ANTXR2: variants seen among roughly 807,000 people sequenced by gnomAD.
ANTXR2 encodes the protein anthrax toxin receptor 2.
ANTXR2 carries 44 observed loss-of-function variants against 73.7 expected under a neutral mutation model. The observed-to-expected ratio is 0.60, with a 90% CI of 0.47 to 0.77. ANTXR2 has a LOEUF of 0.77. ANTXR2 is among the 30% of genes least tolerant of loss of function. The probability of loss-of-function intolerance (pLI) is 0.00; values close to 1 mark genes in which losing one functional copy is unlikely to be tolerated. For missense variants in ANTXR2, 604 were observed against 592.5 expected, an observed-to-expected ratio of 1.02 and a Z score of -0.20; for synonymous variants, 217 against 205.9, an observed-to-expected ratio of 1.05 and a Z score of -0.46.
intron 16 of ANTXR2, among the ~76,000 whole-genome samples, chr4:79,956,514 T>C (rs1175735778): frequency 1.3e-5 from 2 of 152,064 alleles, no homozygotes; most frequent in Non-Finnish European, 2.9e-5. Context: ...TCACCAATCA[T>C]CTCTAGATCT....
chr4:80,017,267 T>C (rs1731917880), intron 11 of ANTXR2, among the ~76,000 whole-genome samples: 1 of 152,198 alleles, frequency 6.6e-6, no homozygotes, highest in Non-Finnish European at 1.5e-5. Context: ...CACCTCAGGC[T>C]TTGCTCTAGC....
chr4:79,949,209 A>G (rs933084262), intron 16 of ANTXR2, among the ~76,000 whole-genome samples: 2 of 152,178 alleles, frequency 1.3e-5, no homozygotes, highest in African/African-American at 4.8e-5. Flanking sequence ...GGATGAGAAC[A>G]CAGAAATAAC....
chr4:79,911,086 C>T (rs1167044607), intron 16 of ANTXR2, among the ~76,000 whole-genome samples: 1 of 152,144 alleles, frequency 6.6e-6, no homozygotes, highest in Non-Finnish European at 1.5e-5. Flanking sequence ...AGTGATAACG[C>T]TAATTATGTT....
intron 7 of ANTXR2, among the ~76,000 whole-genome samples, chr4:80,048,276 A>C (rs1014150978): frequency 3.3e-5 from 5 of 150,896 alleles, no homozygotes; most frequent in African/African-American, 9.7e-5. Flanking sequence ...GTAAAAAAAA[A>C]AAAAAACAAA....
chr4:80,007,495 T>G (rs1280580977), intron 12 of ANTXR2, among the ~76,000 whole-genome samples: 1 of 152,162 alleles, frequency 6.6e-6, no homozygotes, highest in Admixed American at 6.6e-5. Context: ...TACCTGGTAC[T>G]GTGAATATGT....
intron 15 of ANTXR2, 125 bp downstream of exon 15, chr4:79,977,882 G>A (rs1284573443): frequency 2.4e-6 from 3 of 1,257,810 alleles, no homozygotes; most frequent in South Asian, 1.5e-5. Context: ...CAGCTGTTAA[G>A]AGTGTACAAT....
intron 3 of ANTXR2, 26 bp downstream of exon 3, chr4:80,069,410 C>G (rs755853321): frequency 6.5e-7 from 1 of 1,527,142 alleles, no homozygotes; most frequent in East Asian, 2.3e-5. Flanking sequence ...TACTAAAAGC[C>G]TGCAGTGAAA....
intron 14 of ANTXR2, among the ~76,000 whole-genome samples, chr4:79,982,457 T>C (rs1029501458): frequency 6.6e-6 from 1 of 152,128 alleles, no homozygotes; most frequent in African/African-American, 2.4e-5. Flanking sequence ...TATTTGGATA[T>C]TTGATTGTAA....
chr4:80,069,375 CA>C, intron 3 of ANTXR2, 60 bp downstream of exon 3: 1 of 1,330,838 alleles, frequency 7.5e-7, no homozygotes, highest in East Asian at 2.5e-5. Flanking sequence ...TTGGAAATAT[CA>C]ATCATGCCTT....
rs1385584479 is a variant in ANTXR2, at chr4:80,072,482, G to C, written c.79C>G (p.Pro27Ala). Residue 27 changes from proline to alanine, a missense_variant, in exon 1 of 17, where the codon CCC becomes GCC. Physicochemically the swap from Pro to Ala is conservative, Grantham distance 27 (BLOSUM62 -1). Transcript: ENST00000403729. ...PGLWLLVLSG[P>A]GGLLRAQEQP... ...TCCTGGGCGCGCAGCAGCCCCCCGG[G>C]ACCGCTGAGCACCAACAGCCACAGC... is the stretch of plus-strand genomic sequence containing the variant. 1 of 1,609,826 alleles carries C rather than the reference G, an allele frequency of 6.2e-7. No individual in the cohort carries two copies. Among genetic ancestry groups the C allele is most frequent in the Non-Finnish European group, 8.5e-7 (1 of 1,178,490 alleles).
intron 11 of ANTXR2, among the ~76,000 whole-genome samples, chr4:80,015,923 A>AAAAGGAAAGGAAAGG (rs1184169438): frequency 2.2e-4 from 8 of 37,010 alleles, no homozygotes; most frequent in South Asian, 1.7e-3. Context: ...AAGGAAAGGA[A>AAAAGGAAAGGAAAGG]AAAGGAAAGG....
Position 80,072,507 on chromosome 4 carries a change from C to A in ANTXR2, c.54G>T (p.Gly18=). The A allele has an allele frequency of 1.2e-6, 2 of 1,605,474 alleles. No homozygotes were observed. Among genetic ancestry groups the A allele is most frequent in the East Asian group, 2.3e-5 (1 of 44,316 alleles). The change falls in exon 1 of 17, where the codon GGG becomes GGT. Residue 18 remains glycine (G), a synonymous_variant. Coordinates refer to ENST00000403729, the MANE Select transcript of ANTXR2 (RefSeq NM_058172.6). ...ARSPGSWLFP[G]LWLLVLSGPG... is the part of the protein sequence containing the mutation. ...GACCGCTGAGCACCAACAGCCACAG[C>A]CCGGGGAACAGCCAGCTCCCGGGGC...
Position 80,072,396 on chromosome 4 carries a change from C to T in ANTXR2, c.152+13G>A. The T allele has an allele frequency of 6.3e-7, 1 of 1,587,960 alleles. No individual in the cohort carries two copies. The highest frequency in any genetic ancestry group is 1.1e-5 in the South Asian group (1 of 88,054). ...CCTCACCAGGAGACCCTGGACCTCC[C>T]TCGCACACTCACTTGTCCAGGACGA... On this transcript the variant is annotated intron_variant, in intron 1 of 16. Coordinates refer to ENST00000403729, the MANE Select transcript of ANTXR2 (RefSeq NM_058172.6).
At chr4:79,948,837 T>A (rs1485569898) in intron 16 of ANTXR2, among the ~76,000 whole-genome samples, 1 of 152,120 alleles carries the variant, frequency 6.6e-6, no homozygotes, top group African/African-American at 2.4e-5. Context: ...TCTCTGTAGG[T>A]AACCTAGATC....
chr4:79,905,794 G>A lies in ANTXR2; in HGVS notation c.*1635C>T, dbSNP rs1390844448. 1 of 152,540 alleles carries A rather than the reference G, an allele frequency of 6.6e-6. No individual in the cohort carries two copies. The highest frequency in any genetic ancestry group is 1.9e-4 in the East Asian group (1 of 5,178). 9.4% of individuals were successfully genotyped at this position (152,540 alleles called of 1,614,324 possible). Reference sequence around the variant, plus strand: ...TTGAAATTTCCATTAAGAGCACAATGGGGGTAATTATACCAGGATGCTCCA... The same window carrying A: ...TTGAAATTTCCATTAAGAGCACAATAGGGGTAATTATACCAGGATGCTCCA... On this transcript the variant is annotated 3_prime_UTR_variant, in exon 17 of 17. Coordinates refer to ENST00000403729, the MANE Select transcript of ANTXR2 (RefSeq NM_058172.6).
chr4:80,050,074 T>C (rs1286125148), intron 7 of ANTXR2, among the ~76,000 whole-genome samples: 1 of 151,736 alleles, frequency 6.6e-6, no homozygotes, highest in African/African-American at 2.4e-5. Flanking sequence ...TAAGGAACTA[T>C]GATGATCCAC....
chr4:79,963,931 T>C (rs928072075), intron 16 of ANTXR2, among the ~76,000 whole-genome samples: 5 of 152,202 alleles, frequency 3.3e-5, no homozygotes, highest in African/African-American at 9.6e-5. Context: ...ATTTTTTATA[T>C]GTAACTATAG....
intron 7 of ANTXR2, among the ~76,000 whole-genome samples, chr4:80,048,752 T>C (rs577285059): frequency 2.5e-4 from 38 of 151,818 alleles, no homozygotes; most frequent in African/African-American, 9.2e-4. Flanking sequence ...ATATAAAATA[T>C]AGTGTTAGAC....
chr4:79,907,373 A>G lies in ANTXR2; in HGVS notation c.*56T>C. The G allele has an allele frequency of 2.6e-6, 4 of 1,560,300 alleles. No individual in the cohort carries two copies. The highest frequency in any genetic ancestry group is 3.5e-6 in the Non-Finnish European group (4 of 1,135,716). ...CTTGATTTTTTTCATTTGGTTGAAAATCAGCTATGTGAAAATGTGCCATCT... is the reference window on the plus strand; with the variant it reads ...CTTGATTTTTTTCATTTGGTTGAAAGTCAGCTATGTGAAAATGTGCCATCT... On this transcript the variant is annotated 3_prime_UTR_variant, in exon 17 of 17. Coordinates refer to ENST00000403729, the MANE Select transcript of ANTXR2 (RefSeq NM_058172.6).
Sources: allele counts gnomAD v4.1 joint callset (sites outside exome capture counted in the v4.1 genomes callset), GRCh38; gene constraint gnomAD v4.1.1; transcripts MANE v1.5; gene names NCBI Gene and HGNC (gene_info 2026-07-23, HGNC 2026-07-21).